Variants in NCAM2 observed in about 807,000 individuals in gnomAD.
The protein encoded by NCAM2 is neural cell adhesion molecule 2.
In NCAM2, 30 loss-of-function variants were observed where a neutral mutation model predicts 98.1. That is an observed-to-expected ratio of 0.31 (90% CI 0.23 to 0.41). The LOEUF is 0.41. Ranked by LOEUF, NCAM2 falls within the 10% of genes least tolerant of loss-of-function variation. NCAM2 has a pLI of 1.00. For synonymous variants in NCAM2, 368 were observed against 342.4 expected (o/e 1.07, Z -0.83); for missense variants, 867 against 1,005.8 (o/e 0.86, Z 1.87).
intron 11 of NCAM2, among the ~76,000 whole-genome samples, chr21:21,423,935 A>C (rs1384327304): frequency 6.6e-6 from 1 of 152,130 alleles, no homozygotes; most frequent in African/African-American, 2.4e-5. Flanking sequence ...GAATTCTAAG[A>C]TATGGAATTA....
intron 15 of NCAM2, among the ~76,000 whole-genome samples, chr21:21,482,787 A>G (rs1288429871): frequency 7.8e-6 from 1 of 128,910 alleles, no homozygotes; most frequent in Non-Finnish European, 1.7e-5. Context: ...ATTTTTTCTT[A>G]TTAAAGATGT....
chr21:21,466,447 T>C (rs1485832908), intron 12 of NCAM2, among the ~76,000 whole-genome samples, 159 bp from the exon 13 acceptor site: 1 of 152,032 alleles, frequency 6.6e-6, no homozygotes, highest in Non-Finnish European at 1.5e-5. Context: ...TTTCTTCTTA[T>C]ATGACTTATC....
At chr21:21,203,587 C>T (rs560122159) in intron 1 of NCAM2, among the ~76,000 whole-genome samples, 1 of 152,232 alleles carries the variant, frequency 6.6e-6, no homozygotes, top group African/African-American at 2.4e-5. Flanking sequence ...TCATTCATTC[C>T]TGGATCACAG....
At chr21:21,220,051 T>C (rs937012967) in intron 1 of NCAM2, among the ~76,000 whole-genome samples, 2 of 109,506 alleles carry the variant, frequency 1.8e-5, no homozygotes, top group African/African-American at 6.8e-5. Flanking sequence ...ATTACGAAAG[T>C]CAAAAAGTTA....
intron 5 of NCAM2, among the ~76,000 whole-genome samples, chr21:21,301,898 A>G (rs969459848): frequency 8.2e-5 from 12 of 146,994 alleles, no homozygotes; most frequent in African/African-American, 3.0e-4. Context: ...AATGCAAATC[A>G]AAACCACTAT....
chr21:21,378,683 A>G (rs139554054), intron 9 of NCAM2, among the ~76,000 whole-genome samples: 7 of 152,164 alleles, frequency 4.6e-5, no homozygotes, highest in African/African-American at 1.2e-4. Flanking sequence ...TCAATAATTT[A>G]TACTACTTGT....
At chr21:21,322,668 C>T (rs948950997) in intron 5 of NCAM2, among the ~76,000 whole-genome samples, 1 of 152,054 alleles carries the variant, frequency 6.6e-6, no homozygotes, top group Non-Finnish European at 1.5e-5. Context: ...TTAGTGGGTG[C>T]CGGTTAATCT....
At chr21:21,035,894 A>AT in intron 1 of NCAM2, among the ~76,000 whole-genome samples, 1 of 152,256 alleles carries the variant, frequency 6.6e-6, no homozygotes, top group South Asian at 2.1e-4. Flanking sequence ...CAACTTATTT[A>AT]TTTTCTGTGG....
chr21:21,468,043 A>G (rs537139685), intron 13 of NCAM2, among the ~76,000 whole-genome samples: 1 of 152,130 alleles, frequency 6.6e-6, no homozygotes, highest in Admixed American at 6.6e-5. Context: ...AAACAATATA[A>G]GCATCATTGT....
At position 21,147,127 on chromosome 21, in the gene NCAM2, A is replaced by C. The variant is rs1265647223; in HGVS notation, c.56-133451A>C. On this transcript the variant is annotated intron_variant, in intron 1 of 17. Transcript: ENST00000400546. The stretch of plus-strand genomic sequence containing the variant: ...CATACCCTTTGCCTTCTAAGCCAGC[A>C]CTAGTGGACTTCCTGAAATCTCGCG... 3 of 981,230 alleles carry C rather than the reference A, an allele frequency of 3.1e-6. No homozygotes were observed. The African/African-American group carries it at 5.3e-5, about 17-fold the overall frequency. The allele number at this position is 981,230 out of a possible 1,614,324, so 60.8% of individuals were successfully genotyped here.
At chr21:21,384,607 A>G (rs2076226017) in intron 9 of NCAM2, among the ~76,000 whole-genome samples, 1 of 151,956 alleles carries the variant, frequency 6.6e-6, no homozygotes, top group Non-Finnish European at 1.5e-5. Flanking sequence ...ACTTGCTCAT[A>G]TATTTGCCTA....
intron 8 of NCAM2, among the ~76,000 whole-genome samples, chr21:21,370,570 C>T (rs987594576): frequency 1.3e-5 from 2 of 151,634 alleles, no homozygotes; most frequent in Admixed American, 6.6e-5. Context: ...ATTTTTCTAG[C>T]CCCAGAACCC....
At chr21:21,441,746 A>G (rs890647881) in intron 12 of NCAM2, among the ~76,000 whole-genome samples, 11 of 144,508 alleles carry the variant, frequency 7.6e-5, no homozygotes, top group African/African-American at 2.9e-4. Context: ...CCTGGAGGAA[A>G]GCCTCCCAGG....
chr21:21,374,532 G>A lies in NCAM2; in HGVS notation c.1195+519G>A, dbSNP rs187428715. Among the ~76,000 whole-genome samples the A allele has an allele frequency of 5.7e-3, 869 of 151,912 alleles. 10 individuals carry two copies. Among genetic ancestry groups the A allele is most frequent in the African/African-American group, 0.02 (832 of 41,512 alleles). Reference sequence around the variant, plus strand: ...GGAAGAAAGGAGCATGACAAGGATAGTTTTTAAAATAAATTTAAAAATGTA... The same window carrying A: ...GGAAGAAAGGAGCATGACAAGGATAATTTTTAAAATAAATTTAAAAATGTA... On this transcript the variant is annotated intron_variant, in intron 9 of 17. Transcript: ENST00000400546.
rs36015235 is a variant in NCAM2, at chr21:21,382,517, A to AT, written c.1195+8520dup. ...TGAAAGTTTTTGTTTTATTTCAGGGATTTTTTTTTTTTTTTTGAGATGGAG... is the reference window on the plus strand; with the variant it reads ...TGAAAGTTTTTGTTTTATTTCAGGGATTTTTTTTTTTTTTTTTGAGATGGAG... On this transcript the variant is annotated intron_variant, in intron 9 of 17. Transcript: ENST00000400546. 5.5e-3 allele frequency among the ~76,000 whole-genome samples: 330 copies of AT among 59,498 alleles called. 4 individuals are homozygous for AT. The highest frequency in any genetic ancestry group is 0.017 in the East Asian group (19 of 1,106). 39.0% of individuals were successfully genotyped at this position (59,498 alleles called of 152,430 possible). A position where few individuals can be genotyped will look rare whatever the true frequency, so the allele number is the denominator to read the frequency against.
chr21:21,461,408 A>G (rs1010457270), intron 12 of NCAM2, among the ~76,000 whole-genome samples: 3 of 151,920 alleles, frequency 2.0e-5, no homozygotes, highest in African/African-American at 7.2e-5. Context: ...TAAATTGTTT[A>G]TTTTGAGTAT....
chr21:21,218,239 C>A (rs1293024438), intron 1 of NCAM2, among the ~76,000 whole-genome samples: 1 of 152,150 alleles, frequency 6.6e-6, no homozygotes, highest in South Asian at 2.1e-4. Flanking sequence ...GCTGTTCAAA[C>A]AGTCCAGTGC....
chr21:21,093,805 A>G (rs898809053), intron 1 of NCAM2, among the ~76,000 whole-genome samples: 2 of 151,986 alleles, frequency 1.3e-5, no homozygotes, highest in Admixed American at 6.6e-5. Context: ...TGTTACTGAC[A>G]TTGGAGTCTA....
At chr21:21,237,888 T>A (rs1206425976) in intron 1 of NCAM2, among the ~76,000 whole-genome samples, 1 of 151,366 alleles carries the variant, frequency 6.6e-6, no homozygotes, top group Admixed American at 6.6e-5. Flanking sequence ...AAAAAAAAAA[T>A]GATACTTCCT....
Sources: gnomAD v4.1 joint callset for allele counts (sites outside exome capture counted in the v4.1 genomes callset) on GRCh38, gnomAD v4.1.1 for gene constraint, MANE v1.5 for transcripts, NCBI Gene and HGNC (gene_info 2026-07-23, HGNC 2026-07-21) for gene names.